SLC6A15: variants seen among roughly 807,000 people sequenced by gnomAD.
SLC6A15 encodes the protein sodium-dependent neutral amino acid transporter B(0)AT2.
SLC6A15 carries 33 observed loss-of-function variants against 68.5 expected under a neutral mutation model. The observed-to-expected ratio is 0.48, with a 90% CI of 0.37 to 0.64. The LOEUF (loss-of-function observed/expected upper bound fraction) is 0.64, where lower values mean the gene tolerates loss of function less well. SLC6A15 is among the 30% of genes least tolerant of loss of function. SLC6A15 has a pLI of 0.00. For missense variants in SLC6A15, 747 were observed against 874.3 expected, an observed-to-expected ratio of 0.85 and a Z score of 1.84; for synonymous variants, 347 against 301.0, an observed-to-expected ratio of 1.15 and a Z score of -1.58.
At chr12:84,895,710 GT>G (rs1011727310) in intron 1 of SLC6A15, among the ~76,000 whole-genome samples, 2 of 152,052 alleles carry the variant, frequency 1.3e-5, no homozygotes, top group African/African-American at 2.4e-5. Flanking sequence ...CTTGTGCACA[GT>G]TTTCATACAG....
chr12:84,871,311 A>T (rs1046724299), intron 8 of SLC6A15, among the ~76,000 whole-genome samples: 6 of 141,416 alleles, frequency 4.2e-5, no homozygotes, highest in African/African-American at 1.0e-4. Flanking sequence ...CTCCCTGATT[A>T]AAAAAAAAAA....
At chr12:84,883,782 T>A (rs17183577) in intron 5 of SLC6A15, 77 bp downstream of exon 5, 282,318 of 1,613,354 alleles carry the variant, frequency 0.17, 27,856 homozygotes, top group Middle Eastern at 0.26. Context: ...CCCACAGAAA[T>A]CTGTAACAGA....
At chr12:84,900,189 T>G (rs1489074311) in intron 1 of SLC6A15, among the ~76,000 whole-genome samples, 2 of 152,056 alleles carry the variant, frequency 1.3e-5, no homozygotes, top group African/African-American at 4.8e-5. Flanking sequence ...AGTGTATTGG[T>G]CTTGCACAAC....
In SLC6A15 at chr12:84,902,245, T is replaced by C. The variant is rs1253251335; in HGVS notation, c.-188-9937A>G. Among the ~76,000 whole-genome samples, 4 of 151,958 alleles carry C rather than the reference T, an allele frequency of 2.6e-5. No homozygotes were observed. The East Asian group carries it at 7.7e-4, about 29-fold the overall frequency. On this transcript the variant is annotated intron_variant, in intron 1 of 11. Coordinates refer to ENST00000266682, the MANE Select transcript of SLC6A15 (RefSeq NM_182767.6). ...AGGGAACTTTTTTTACAAATAACAA[T>C]ACCAAGTCACTATTTATACTTCATT...
At chr12:84,908,275 T>C (rs1873266540) in intron 1 of SLC6A15, among the ~76,000 whole-genome samples, 1 of 152,120 alleles carries the variant, frequency 6.6e-6, no homozygotes, top group South Asian at 2.1e-4. Context: ...CTTTTTTTAA[T>C]ACCCTAAAAT....
chr12:84,891,876 C>A lies in SLC6A15; in HGVS notation c.245G>T (p.Gly82Val), dbSNP rs1156448465. 1 of 1,614,076 alleles carries A rather than the reference C, an allele frequency of 6.2e-7. No homozygotes were observed. The highest frequency in any genetic ancestry group is 1.7e-5 in the Admixed American group (1 of 60,018). Reference sequence around the variant, plus strand: ...TAGGTATGGAAATCGCCACACATTTCCTAAACCTACAGAAAATCCAACTTG... The same window carrying A: ...TAGGTATGGAAATCGCCACACATTTACTAAACCTACAGAAAATCCAACTTG... ...LAQVGFSVGL[G>V]NVWRFPYLCQ... Residue 82 changes from glycine to valine, a missense_variant, in exon 2 of 12, where the codon GGA (glycine) becomes GTA (valine). Gly to Val is a moderately radical substitution (Grantham distance 109). Coordinates refer to ENST00000266682, the MANE Select transcript of SLC6A15 (RefSeq NM_182767.6).
chr12:84,873,472 G>T, intron 6 of SLC6A15, 144 bp from the exon 7 acceptor site: 1 of 962,002 alleles, frequency 1.0e-6, no homozygotes. Flanking sequence ...ATGTTCTTAA[G>T]CATAAACATC....
In SLC6A15 at chr12:84,883,906, C is replaced by A. The variant is rs761921536; in HGVS notation, c.709G>T (p.Val237Phe). The A allele has an allele frequency of 6.2e-7, 1 of 1,614,072 alleles. No individual in the cohort carries two copies. The highest frequency in any genetic ancestry group is 1.1e-5 in the South Asian group (1 of 91,072). Residue 237 changes from valine to phenylalanine, a missense_variant, in exon 5 of 12, where the codon GTC (valine) becomes TTC (phenylalanine). By Grantham distance (50) the Val-to-Phe change is conservative (BLOSUM62 -1). Coordinates refer to ENST00000266682, the MANE Select transcript of SLC6A15 (RefSeq NM_182767.6). ...TTGATCATAGCCAAGCAAACCATGA[C>A]CCAGGCAGCCAACAAGCAGATGGTC... ...KMTICLLAAW[V>F]MVCLAMIKGI...
At position 84,888,262 on chromosome 12, in the gene SLC6A15, G is replaced by GA. The variant is rs35670280; in HGVS notation, c.290-2195dup. Among the ~76,000 whole-genome samples the GA allele has an allele frequency of 8.6e-3, 943 of 109,346 alleles. 11 individuals carry two copies. Among genetic ancestry groups the GA allele is most frequent in the African/African-American group, 0.025 (746 of 29,858 alleles). 71.7% of individuals were successfully genotyped at this position (109,346 alleles called of 152,430 possible). On this transcript the variant is annotated intron_variant, in intron 2 of 11. Transcript: ENST00000266682. Reference sequence around the variant, plus strand: ...CTCGGTGACAGAGTGAGACCTTGTCGAAAAAAAAAAAAAAGCCAAAAACAA... The same window carrying GA: ...CTCGGTGACAGAGTGAGACCTTGTCGAAAAAAAAAAAAAAAGCCAAAAACAA...
chr12:84,872,874 C>A, intron 7 of SLC6A15, 80 bp from the exon 8 acceptor site: 1 of 1,246,940 alleles, frequency 8.0e-7, no homozygotes. Flanking sequence ...CCATTATAAG[C>A]TAATGAATGA....
At chr12:84,870,235 T>C (rs1871227404) in intron 9 of SLC6A15, among the ~76,000 whole-genome samples, 1 of 150,434 alleles carries the variant, frequency 6.6e-6, no homozygotes, top group African/African-American at 2.4e-5. Context: ...TAACAATAAA[T>C]ATTTATTATA....
chr12:84,869,527 C>T (rs377576061), intron 9 of SLC6A15, among the ~76,000 whole-genome samples: 5 of 149,182 alleles, frequency 3.4e-5, no homozygotes, highest in African/African-American at 1.2e-4. Context: ...CATTCATGGT[C>T]ATCTCTACAA....
rs1033233302 is a variant in SLC6A15 at position 84,891,950 on chromosome 12, G to A, written c.171C>T (p.Val57=). The change falls in exon 2 of 12, where the codon GTC becomes GTT. Residue 57 remains valine, a synonymous_variant. Transcript: ENST00000266682. ...TGTTCCAAGCTGGTCTTTCATCTTC[G>A]ACTTCAGATCCTTCTTCAACATCTG... ...KDTDVEEGSE[V]EDERPAWNSK... 8 of 1,613,890 alleles carry A rather than the reference G, an allele frequency of 5.0e-6. No homozygotes were observed. The African/African-American group carries it at 8.0e-5, about 16-fold the overall frequency.
Position 84,863,641 on chromosome 12 carries a change from T to C in SLC6A15, c.1656-40A>G, listed in dbSNP as rs777830338. ...AGTATTTAATTATTCCTTAATTTAA[T>C]ATTGCTAAACCTTAAAAAATGTGCA... On this transcript the variant is annotated intron_variant, in intron 10 of 11. Transcript: ENST00000266682. 3.5e-6 allele frequency: 5 copies of C among 1,413,022 alleles called. No homozygotes were observed. In the South Asian group the frequency reaches 8.1e-5, roughly 23 times the overall value. The allele number at this position is 1,413,022 out of a possible 1,614,324, so 87.5% of individuals were successfully genotyped here.
At chr12:84,898,793 G>T (rs181282985) in intron 1 of SLC6A15, among the ~76,000 whole-genome samples, 35 of 152,322 alleles carry the variant, frequency 2.3e-4, no homozygotes, top group African/African-American at 8.2e-4. Context: ...CAGAGCCAAT[G>T]CTGCATGTTT....
intron 2 of SLC6A15, among the ~76,000 whole-genome samples, chr12:84,886,880 A>G (rs1872134336): frequency 6.6e-6 from 1 of 152,236 alleles, no homozygotes. Flanking sequence ...TGACAATGTT[A>G]ATACAAGATT....
intron 5 of SLC6A15, among the ~76,000 whole-genome samples, chr12:84,878,352 C>T (rs183966239): frequency 3.3e-4 from 50 of 152,156 alleles, no homozygotes; most frequent in African/African-American, 9.4e-4. Context: ...ATTCTCCCTG[C>T]GTACTTTTGG....
chr12:84,862,430 C>CAAAATTTACTTATT (rs1870893940), intron 11 of SLC6A15, among the ~76,000 whole-genome samples: 1 of 152,130 alleles, frequency 6.6e-6, no homozygotes, highest in Non-Finnish European at 1.5e-5. Flanking sequence ...ATAGATACCT[C>CAAAATTTACTTATT]TTAAATGTGT....
chr12:84,865,037 G>T (rs1046391414), intron 10 of SLC6A15, among the ~76,000 whole-genome samples: 2 of 152,176 alleles, frequency 1.3e-5, no homozygotes, highest in Non-Finnish European at 2.9e-5. Flanking sequence ...ATAACGAACT[G>T]TCTAAATGGA....
Sources: gnomAD v4.1 joint callset for allele counts (sites outside exome capture counted in the v4.1 genomes callset) on GRCh38, gnomAD v4.1.1 for gene constraint, MANE v1.5 for transcripts, NCBI Gene and HGNC (gene_info 2026-07-23, HGNC 2026-07-21) for gene names.